Variants in ZMYM2 observed in about 807,000 individuals in gnomAD.
ZMYM2 encodes the protein zinc finger MYM-type containing 2.
In ZMYM2, 56 loss-of-function variants were observed where a neutral mutation model predicts 162.8. The observed-to-expected ratio is 0.34, with a 90% CI of 0.28 to 0.43. ZMYM2 has a LOEUF of 0.43. Among genes scored for constraint, ZMYM2 ranks in the 20% least tolerant of loss-of-function variants. The pLI is 1.00. For synonymous variants in ZMYM2, 510 were observed against 541.6 expected, an observed-to-expected ratio of 0.94 and a Z score of 0.81; for missense variants, 1,275 against 1,621.8, an observed-to-expected ratio of 0.79 and a Z score of 3.67.
In ZMYM2 at chr13:20,062,953, G is replaced by A. The variant is rs914448053; in HGVS notation, c.3019G>A (p.Glu1007Lys). ...DVPYEPDLDI[E>K]IDFPRAAEEL... The stretch of plus-strand genomic sequence containing the variant: ...ACCATATGAACCAGATTTGGATATC[G>A]AAATAGATTTTCCCAGAGGTACTCA... Residue 1007 changes from glutamate (E) to lysine (K), a missense_variant, in exon 18 of 25, where the codon GAA becomes AAA. Glu to Lys is a moderately conservative substitution (Grantham distance 56, BLOSUM62 1). Around this residue, in one of 10 missense-constraint regions of ZMYM2, gnomAD observed 229 missense variants for 283.8 expected, o/e 0.81. Coordinates refer to ENST00000610343, the MANE Select transcript of ZMYM2 (RefSeq NM_197968.4). The A allele has an allele frequency of 4.4e-6, 7 of 1,601,888 alleles. No homozygotes were observed. Among genetic ancestry groups the A allele is most frequent in the Non-Finnish European group, 5.1e-6 (6 of 1,173,908 alleles).
chr13:20,020,114 T>C (rs115757086), intron 7 of ZMYM2, among the ~76,000 whole-genome samples: 2,083 of 152,288 alleles, frequency 0.014, 40 homozygotes, highest in African/African-American at 0.047. Flanking sequence ...ACTATTATTG[T>C]CAGGTTAGTC....
chr13:20,053,538 G>A (rs1434331793), intron 14 of ZMYM2, among the ~76,000 whole-genome samples: 1 of 152,122 alleles, frequency 6.6e-6, no homozygotes, highest in Non-Finnish European at 1.5e-5. Flanking sequence ...TGTAATCCCA[G>A]CTACTCAGGA....
intron 7 of ZMYM2, chr13:20,024,419 C>T (rs756459303): frequency 4.7e-6 from 1 of 211,488 alleles, no homozygotes; most frequent in East Asian, 7.1e-5. Context: ...AAATCAAATC[C>T]ATGATTTGAT....
At chr13:19,871,034 A>AAT in the ZMYM2 span, among the ~76,000 whole-genome samples, 1 of 152,222 alleles carries the variant, frequency 6.6e-6, no homozygotes, top group African/African-American at 2.4e-5. Context: ...AGTACCAGAG[A>AAT]ATATGTGGAC....
At chr13:20,035,334 G>A (rs1953586390) in intron 11 of ZMYM2, among the ~76,000 whole-genome samples, 1 of 152,026 alleles carries the variant, frequency 6.6e-6, no homozygotes, top group Non-Finnish European at 1.5e-5. Flanking sequence ...TCCGTAAGAG[G>A]GTGCTGCTTG....
At chr13:20,084,887 A>G (rs187355304) in intron 24 of ZMYM2, among the ~76,000 whole-genome samples, 37 of 152,330 alleles carry the variant, frequency 2.4e-4, no homozygotes, top group African/African-American at 8.4e-4. Context: ...AGTATCATGT[A>G]TAGGATGATA....
At chr13:19,922,248 G>A in the ZMYM2 span, among the ~76,000 whole-genome samples, 3 of 152,114 alleles carry the variant, frequency 2.0e-5, no homozygotes, top group South Asian at 2.1e-4. Flanking sequence ...AAAAGGGGCA[G>A]GGAGTGGGCG....
chr13:20,081,437 G>A (rs962321343), intron 21 of ZMYM2, among the ~76,000 whole-genome samples: 1 of 152,090 alleles, frequency 6.6e-6, no homozygotes, highest in Non-Finnish European at 1.5e-5. Context: ...TTCTAGGTTT[G>A]TGACAGTAAG....
intron 22 of ZMYM2, 41 bp downstream of exon 22, chr13:20,082,171 A>G (rs1593284650): frequency 7.3e-7 from 1 of 1,375,530 alleles, no homozygotes; most frequent in Non-Finnish European, 1.0e-6. Context: ...TCTTGATATT[A>G]GGATTGTTAT....
At chr13:20,037,990 G>C (rs1373909865) in intron 12 of ZMYM2, among the ~76,000 whole-genome samples, 1 of 152,066 alleles carries the variant, frequency 6.6e-6, no homozygotes, top group Non-Finnish European at 1.5e-5. Flanking sequence ...TTGTTCCCCT[G>C]TATGTGTTTG....
the ZMYM2 span, among the ~76,000 whole-genome samples, chr13:19,896,547 G>C: frequency 6.7e-6 from 1 of 150,000 alleles, no homozygotes; most frequent in African/African-American, 2.5e-5. Context: ...ACAAGGTCAG[G>C]AGATCGAGAC....
chr13:19,937,399 A>G, the ZMYM2 span, among the ~76,000 whole-genome samples: 251 of 151,236 alleles, frequency 1.7e-3, 1 homozygote, highest in African/African-American at 5.7e-3. Context: ...CAGCCTCCCA[A>G]AGTATTGGGA....
At chr13:20,003,628 TTTTTC>T (rs1157144905) in intron 4 of ZMYM2, among the ~76,000 whole-genome samples, 36 of 151,968 alleles carry the variant, frequency 2.4e-4, no homozygotes, top group East Asian at 1.5e-3. Context: ...TTTCTTTTTC[TTTTTC>T]TTTTCTTTTT....
In ZMYM2 at chr13:20,048,207, A is replaced by G. The variant is rs1954991966; in HGVS notation, c.2293-3226A>G. ...AAATTCTTAATACAAATGCCCTCTA[A>G]TAGTCTTAACAGTATGATTTATGGG... is the stretch of plus-strand genomic sequence containing the variant. On this transcript the variant is annotated intron_variant, in intron 12 of 24. Coordinates refer to ENST00000610343, the MANE Select transcript of ZMYM2 (RefSeq NM_197968.4). Among the ~76,000 whole-genome samples, 3 of 152,146 alleles carry G rather than the reference A, an allele frequency of 2.0e-5. No homozygotes were observed. In the South Asian group the frequency reaches 6.2e-4, roughly 32 times the overall value.
intron 12 of ZMYM2, among the ~76,000 whole-genome samples, chr13:20,049,020 T>C (rs1476628662): frequency 6.6e-6 from 1 of 151,998 alleles, no homozygotes; most frequent in Non-Finnish European, 1.5e-5. Context: ...ATGATGGTCA[T>C]TAATGATCTT....
intron 6 of ZMYM2, among the ~76,000 whole-genome samples, chr13:20,011,578 A>ATT (rs60172206): frequency 9.1e-4 from 117 of 128,872 alleles, no homozygotes; most frequent in Non-Finnish European, 1.8e-3. Flanking sequence ...TTTTTGTTTT[A>ATT]TTTTTTTTTT....
At chr13:19,881,813 C>G in the ZMYM2 span, among the ~76,000 whole-genome samples, 1 of 150,988 alleles carries the variant, frequency 6.6e-6, no homozygotes, top group Non-Finnish European at 1.5e-5. Flanking sequence ...GGTGAAACCC[C>G]GTCTCTATTC....
At chr13:19,970,386 C>T (rs190357553) in intron 2 of ZMYM2, among the ~76,000 whole-genome samples, 1 of 151,876 alleles carries the variant, frequency 6.6e-6, no homozygotes, top group African/African-American at 2.4e-5. Flanking sequence ...ACTGTAATTA[C>T]GCAGATGAAT....
intron 6 of ZMYM2, among the ~76,000 whole-genome samples, chr13:20,017,058 C>A (rs1213216935): frequency 6.6e-6 from 1 of 152,168 alleles, no homozygotes; most frequent in Non-Finnish European, 1.5e-5. Flanking sequence ...TTACATCAGT[C>A]TTGGCCTCTT....
Sources: allele counts gnomAD v4.1 joint callset (sites outside exome capture counted in the v4.1 genomes callset), GRCh38; gene constraint gnomAD v4.1.1; regional missense constraint gnomAD v4.1.1; transcripts MANE v1.5; gene names NCBI Gene and HGNC (gene_info 2026-07-23, HGNC 2026-07-21).